CFAP47: variants seen among roughly 807,000 people sequenced by gnomAD.
CFAP47 encodes cilia- and flagella-associated protein 47.
CFAP47 carries 29 observed loss-of-function variants against 148.1 expected under a neutral mutation model. That is an observed-to-expected ratio of 0.20 (90% CI 0.15 to 0.27). The LOEUF (loss-of-function observed/expected upper bound fraction) is 0.27. Among genes scored for constraint, CFAP47 ranks in the 10% least tolerant of loss-of-function variants. The pLI is 1.00. For synonymous variants in CFAP47, 664 were observed against 577.3 expected, an observed-to-expected ratio of 1.15 and a Z score of -2.15; for missense variants, 1,872 against 1,697.5, an observed-to-expected ratio of 1.10 and a Z score of -1.81.
At chrX:36,344,409 C>T (rs183053474) in intron 57 of CFAP47, among the ~76,000 whole-genome samples, 1 of 110,511 alleles carries the variant, frequency 9.0e-6, no homozygotes. Flanking sequence ...AAGTTAACAG[C>T]ATTACAGAGT....
chrX:36,186,087 G>A (rs1245476647), intron 40 of CFAP47, among the ~76,000 whole-genome samples: 4 of 111,687 alleles, frequency 3.6e-5, no homozygotes, highest in Admixed American at 1.9e-4. Flanking sequence ...TTTATTAATA[G>A]ACATAATGGT....
At chrX:36,297,582 G>A (rs17311579) in intron 51 of CFAP47, among the ~76,000 whole-genome samples, 2,283 of 111,393 alleles carry the variant, frequency 0.02, 20 homozygotes, top group Non-Finnish European at 0.03. Context: ...GCTGAAATGG[G>A]ATGCTTTATA....
chrX:36,298,152 A>C (rs2146955658), intron 51 of CFAP47, among the ~76,000 whole-genome samples: 1 of 102,463 alleles, frequency 9.8e-6, no homozygotes, highest in East Asian at 3.1e-4. Context: ...AAGACTTGGA[A>C]CCAACCCAAA....
intron 15 of CFAP47, among the ~76,000 whole-genome samples, chrX:35,980,191 T>G (rs778115252): frequency 5.4e-5 from 6 of 111,853 alleles, no homozygotes; most frequent in African/African-American, 1.9e-4. Flanking sequence ...TTTAACAATC[T>G]TAATATATTG....
intron 49 of CFAP47, among the ~76,000 whole-genome samples, chrX:36,278,125 T>C (rs949977947): frequency 2.0e-4 from 22 of 112,483 alleles, no homozygotes; most frequent in African/African-American, 7.1e-4. Flanking sequence ...TCTTCAGAGC[T>C]GTCAGACAGG....
intron 57 of CFAP47, among the ~76,000 whole-genome samples, chrX:36,334,228 C>A (rs1452851001): frequency 9.0e-6 from 1 of 110,985 alleles, no homozygotes; most frequent in Non-Finnish European, 1.9e-5. Context: ...AGGCTACAGG[C>A]AATCAAATGA....
At chrX:36,175,426 G>A (rs1319788472) in intron 39 of CFAP47, among the ~76,000 whole-genome samples, 5 of 111,496 alleles carry the variant, frequency 4.5e-5, no homozygotes, top group Non-Finnish European at 9.4e-5. Flanking sequence ...CCATCTTTGT[G>A]GTTTTATCTA....
intron 39 of CFAP47, among the ~76,000 whole-genome samples, chrX:36,168,660 C>T (rs1220406098): frequency 8.9e-6 from 1 of 111,950 alleles, no homozygotes; most frequent in Non-Finnish European, 1.9e-5. Context: ...CTCCTGGGCT[C>T]AAGCTATCCT....
chrX:36,003,757 TTA>T (rs1305876475), intron 21 of CFAP47, among the ~76,000 whole-genome samples: 1 of 108,627 alleles, frequency 9.2e-6, no homozygotes, highest in Non-Finnish European at 1.9e-5. Flanking sequence ...CAACTTAGTA[TTA>T]TAAGTCCTGG....
intron 62 of CFAP47, among the ~76,000 whole-genome samples, chrX:36,371,776 A>ATGTGTGTATATG (rs201384175): frequency 2.0e-5 from 1 of 49,716 alleles, no homozygotes. Context: ...ATATACACAC[A>ATGTGTGTATATG]TGTGTATATA....
intron 45 of CFAP47, chrX:36,211,015 A>G (rs1555989404): frequency 8.3e-6 from 1 of 120,948 alleles, no homozygotes; most frequent in Non-Finnish European, 1.7e-5. Flanking sequence ...TCTCACAGCC[A>G]TTGCAGTACA....
chrX:36,214,994 T>C (rs1481254262), intron 45 of CFAP47, among the ~76,000 whole-genome samples: 3 of 111,894 alleles, frequency 2.7e-5, no homozygotes, highest in African/African-American at 6.5e-5. Context: ...TTTATTACCA[T>C]AAAGTTTTAT....
At position 36,384,785 on chromosome X, in the gene CFAP47, CTT is replaced by C. The variant is rs1412280954; in HGVS notation, c.9355-10_9355-9del. On this transcript the variant is annotated splice_polypyrimidine_tract_variant and intron_variant, in intron 63 of 63. Transcript: ENST00000378653. ...ATATTTCAAATGAAAATTTCTCCCT[CTT>C]TCTATCCAGACAGAAGAAATGTACT... is the stretch of plus-strand genomic sequence containing the variant. 6.1e-6 allele frequency: 7 copies of C among 1,139,892 alleles called. No individual in the cohort carries two copies. The African/African-American group carries it at 1.1e-4, about 18-fold the overall frequency. The allele number at this position is 1,139,892 out of a possible 1,213,427, so 93.9% of individuals were successfully genotyped here.
intron 57 of CFAP47, among the ~76,000 whole-genome samples, chrX:36,324,823 T>C (rs1025861383): frequency 9.1e-6 from 1 of 110,016 alleles, no homozygotes; most frequent in Non-Finnish European, 1.9e-5. Flanking sequence ...ATGAAATCCA[T>C]TTTTTTTCTA....
In CFAP47 at chrX:36,179,355, G is replaced by C. The variant is rs1017912881; in HGVS notation, c.6037G>C (p.Val2013Leu). The stretch of plus-strand genomic sequence containing the variant: ...CTTCATTTATTCCAGTGTCATTTTG[G>C]TGGAATCCTCAACATTTGTCTCTTC... ...HTAGDFSVIL[V>L]ESSTFVSSPT... The change falls in exon 40 of 64, where the codon GTG (valine) becomes CTG (leucine). Residue 2013 changes from valine (V) to leucine (L), a missense_variant. Coordinates refer to ENST00000378653, the MANE Select transcript of CFAP47 (RefSeq NM_001304548.2). 2.0e-5 allele frequency: 6 copies of C among 295,104 alleles called. No individual in the cohort carries two copies. In the Admixed American group the frequency reaches 3.7e-4, roughly 18 times the overall value. 24.3% of individuals were successfully genotyped at this position (295,104 alleles called of 1,213,427 possible).
intron 2 of CFAP47, 133 bp downstream of exon 2, chrX:35,926,301 T>C (rs1935740571): frequency 4.7e-6 from 2 of 427,269 alleles, no homozygotes; most frequent in African/African-American, 2.5e-5. Flanking sequence ...TTTTAGAAAA[T>C]AGTAGTGTTT....
chrX:36,071,701 G>T, intron 27 of CFAP47, 124 bp from the exon 28 acceptor site: 1 of 522,713 alleles, frequency 1.9e-6, no homozygotes, highest in Non-Finnish European at 2.9e-6. Flanking sequence ...CTTTGTCATA[G>T]ATAGATGGAT....
intron 49 of CFAP47, among the ~76,000 whole-genome samples, chrX:36,266,693 T>C (rs6632547): frequency 0.35 from 38,279 of 109,561 alleles, 7,591 homozygotes; most frequent in African/African-American, 0.75. Flanking sequence ...GAGGCTGCAC[T>C]GCGTGTAGGC....
chrX:36,068,743 G>A (rs945534051), intron 27 of CFAP47, among the ~76,000 whole-genome samples: 1 of 108,464 alleles, frequency 9.2e-6, no homozygotes, highest in African/African-American at 3.4e-5. Context: ...AGATCACAAG[G>A]TCAAGAGATC....
Sources: allele counts gnomAD v4.1 joint callset (sites outside exome capture counted in the v4.1 genomes callset), GRCh38; gene constraint gnomAD v4.1.1; transcripts MANE v1.5; gene names NCBI Gene and HGNC (gene_info 2026-07-23, HGNC 2026-07-21).